The following RBM39 variants were observed in gnomAD, a reference collection of about 807,000 sequenced individuals.
RBM39 encodes the protein RNA-binding protein 39.
A neutral mutation model predicts 79.6 loss-of-function variants in RBM39; 12 were observed. That is an observed-to-expected ratio of 0.15 (90% confidence interval 0.10 to 0.24). The LOEUF (loss-of-function observed/expected upper bound fraction) is 0.24. RBM39 is among the 10% of genes least tolerant of loss of function. The probability of loss-of-function intolerance (pLI) is 1.00; values close to 1 mark genes in which losing one functional copy is unlikely to be tolerated. For synonymous variants in RBM39, 185 were observed against 208.4 expected (o/e 0.89, Z 0.97); for missense variants, 243 against 653.4 (o/e 0.37, Z 6.85).
At chr20:35,731,874 A>T in intron 4 of RBM39, 67 bp downstream of exon 4, 1 of 1,374,258 alleles carries the variant, frequency 7.3e-7, no homozygotes, top group Non-Finnish European at 1.0e-6. Flanking sequence ...AAATCACTCA[A>T]GTTAAACTGC....
intron 3 of RBM39, chr20:35,734,226 T>G (rs556024447): frequency 7.7e-7 from 1 of 1,303,874 alleles, no homozygotes; most frequent in South Asian, 1.2e-5. Context: ...CACAAGGAGA[T>G]GTAGAGCTTT....
intron 3 of RBM39, chr20:35,735,196 T>G (rs2039778836): frequency 1.5e-6 from 2 of 1,329,646 alleles, no homozygotes; most frequent in Non-Finnish European, 2.0e-6. Context: ...TTTTATTGAG[T>G]AATTCTCTAA....
chr20:35,734,938 T>A, intron 3 of RBM39: 1 of 1,592,176 alleles, frequency 6.3e-7, no homozygotes, highest in African/African-American at 1.4e-5. Flanking sequence ...TGAAATTTTG[T>A]ACTGAACATC....
In RBM39 at chr20:35,704,462, T is replaced by G. The variant is rs1377297020; in HGVS notation, c.*19A>C. ...CAAGAAAGAAAAAAAGCTATATACA[T>G]AAGGGACTATATCTTCCTTCATCGT... On this transcript the variant is annotated 3_prime_UTR_variant, in exon 17 of 17. Transcript: ENST00000253363. 1 of 1,530,898 alleles carries G rather than the reference T, an allele frequency of 6.5e-7. No homozygotes were observed. The allele number at this position is 1,530,898 out of a possible 1,614,324, so 94.8% of individuals were successfully genotyped here.
chr20:35,735,718 G>C (rs1211052109), intron 3 of RBM39, among the ~76,000 whole-genome samples: 1 of 152,178 alleles, frequency 6.6e-6, no homozygotes, highest in African/African-American at 2.4e-5. Context: ...CAAGAGTCCT[G>C]ATTGAACAAG....
At position 35,702,174 on chromosome 20, in the gene RBM39, G is replaced by C. The variant is rs1476826437; in HGVS notation, c.*2307C>G. On this transcript the variant is annotated 3_prime_UTR_variant, in exon 17 of 17. Transcript: ENST00000253363. Reference sequence around the variant, plus strand: ...TTGCCCATTAAGCATTTCTTAAACAGAACTTTCAAAGATGGTAGTAATTAT... The same window carrying C: ...TTGCCCATTAAGCATTTCTTAAACACAACTTTCAAAGATGGTAGTAATTAT... 2 of 152,180 alleles carry C rather than the reference G, an allele frequency of 1.3e-5. No homozygotes were observed. Among genetic ancestry groups the C allele is most frequent in the African/African-American group, 4.8e-5 (2 of 41,454 alleles). 9.4% of individuals were successfully genotyped at this position (152,180 alleles called of 1,614,324 possible).
At chr20:35,728,196 A>G (rs193016310) in intron 6 of RBM39, among the ~76,000 whole-genome samples, 79 of 152,306 alleles carry the variant, frequency 5.2e-4, no homozygotes, top group Non-Finnish European at 9.3e-4. Flanking sequence ...TTTCCTCAGG[A>G]CAGCCAAATA....
chr20:35,714,864 T>C (rs977156887), intron 10 of RBM39, among the ~76,000 whole-genome samples: 5 of 152,158 alleles, frequency 3.3e-5, no homozygotes, highest in African/African-American at 1.2e-4. Context: ...AAATTACATA[T>C]ATATAAAATT....
intron 3 of RBM39, chr20:35,736,419 T>C (rs1053596929): frequency 6.1e-6 from 2 of 327,192 alleles, no homozygotes; most frequent in East Asian, 7.9e-5. Context: ...CACATTATTT[T>C]AGGGGAACTA....
At chr20:35,718,655 A>C (rs1217180508) in intron 9 of RBM39, among the ~76,000 whole-genome samples, 1 of 151,996 alleles carries the variant, frequency 6.6e-6, no homozygotes, top group Non-Finnish European at 1.5e-5. Flanking sequence ...CTCTACTAAA[A>C]ATACAAAATT....
intron 12 of RBM39, among the ~76,000 whole-genome samples, chr20:35,709,914 A>C (rs1399424237): frequency 6.6e-6 from 1 of 152,190 alleles, no homozygotes; most frequent in Non-Finnish European, 1.5e-5. Context: ...AGAAATAAAA[A>C]TCTCTGGAGT....
At chr20:35,731,848 TA>T in intron 4 of RBM39, 92 bp downstream of exon 4, 2 of 1,178,512 alleles carry the variant, frequency 1.7e-6, no homozygotes, top group Non-Finnish European at 2.5e-6. Flanking sequence ...ATTAAAAAAA[TA>T]AAAATTCACA....
chr20:35,713,942 A>G, intron 11 of RBM39: 1 of 459,992 alleles, frequency 2.2e-6, no homozygotes, highest in South Asian at 3.0e-5. Flanking sequence ...AGTATGACAT[A>G]TAAACACTAC....
In RBM39 at chr20:35,723,383, G is replaced by A. The variant is rs571655789; in HGVS notation, c.687+1187C>T. Reference sequence around the variant, plus strand: ...ATGCTACTTCTCAGCCCTGGGTCCCGCCAATGCACACCCAGCCACTAAGTT... The same window carrying A: ...ATGCTACTTCTCAGCCCTGGGTCCCACCAATGCACACCCAGCCACTAAGTT... On this transcript the variant is annotated intron_variant, in intron 8 of 16. Transcript: ENST00000253363. Among the ~76,000 whole-genome samples the A allele has an allele frequency of 1.1e-4, 16 of 152,178 alleles. No homozygotes were observed. The South Asian group carries it at 1.5e-3, about 14-fold the overall frequency.
chr20:35,711,551 C>T (rs541390055), intron 12 of RBM39, among the ~76,000 whole-genome samples: 6 of 152,228 alleles, frequency 3.9e-5, no homozygotes, highest in Admixed American at 1.3e-4. Flanking sequence ...GTCAGAAATT[C>T]TAGGGAGTAA....
At position 35,702,035 on chromosome 20, in the gene RBM39, A is replaced by G. The variant is rs1422166342; in HGVS notation, c.*2446T>C. The G allele has an allele frequency of 2.0e-5, 3 of 152,210 alleles. No individual in the cohort carries two copies. Among genetic ancestry groups the G allele is most frequent in the Non-Finnish European group, 4.4e-5 (3 of 68,028 alleles). The allele number at this position is 152,210 out of a possible 1,614,324, so 9.4% of individuals were successfully genotyped here. A position where few individuals can be genotyped will look rare whatever the true frequency, so the allele number is the denominator to read the frequency against. On this transcript the variant is annotated 3_prime_UTR_variant, in exon 17 of 17. Transcript: ENST00000253363. ...TTTTCTAACCACTCATCAACAATCTATATAGCTTGCCCTCCACAAAACTTA... is the reference window on the plus strand; with the variant it reads ...TTTTCTAACCACTCATCAACAATCTGTATAGCTTGCCCTCCACAAAACTTA...
rs552358094 is a variant in RBM39, at chr20:35,718,261, G to T, written c.826-1456C>A. 7.4e-5 allele frequency among the ~76,000 whole-genome samples: 11 copies of T among 149,050 alleles called. No individual in the cohort carries two copies. In the East Asian group the frequency reaches 2.1e-3, roughly 29 times the overall value. ...CTAAGCCACAGAAAGTCTATGGAAG[G>T]ATATAAAAAACAAAACAAAACAAAA... On this transcript the variant is annotated intron_variant, in intron 9 of 16. Transcript: ENST00000253363.
intron 6 of RBM39, among the ~76,000 whole-genome samples, chr20:35,727,016 G>A (rs1407073725): frequency 2.6e-5 from 4 of 151,890 alleles, no homozygotes; most frequent in Non-Finnish European, 4.4e-5. Flanking sequence ...TAGTAGAGAT[G>A]GGGTTTCACC....
intron 3 of RBM39, 69 bp from the exon 4 acceptor site, chr20:35,732,204 GC>G: frequency 7.4e-7 from 1 of 1,346,922 alleles, no homozygotes; most frequent in Non-Finnish European, 1.1e-6. Flanking sequence ...ACCTTTTATG[GC>G]CAGAATCATT....
Sources: gnomAD v4.1 joint callset for allele counts (sites outside exome capture counted in the v4.1 genomes callset) on GRCh38, gnomAD v4.1.1 for gene constraint, MANE v1.5 for transcripts, NCBI Gene and HGNC (gene_info 2026-07-23, HGNC 2026-07-21) for gene names.